Variants in CCDC148 observed in about 807,000 individuals in gnomAD.
The protein encoded by CCDC148 is coiled-coil domain-containing protein 148.
CCDC148 carries 89 observed loss-of-function variants against 85.7 expected under a neutral mutation model. The observed-to-expected ratio is 1.04, with a 90% confidence interval of 0.87 to 1.24. CCDC148 has a LOEUF of 1.24. Ranked by LOEUF, CCDC148 falls within the 50% of genes most tolerant of loss-of-function variation. The pLI, the probability that CCDC148 is intolerant of heterozygous loss-of-function variation, is 0.00. For synonymous variants in CCDC148, 230 were observed against 213.9 expected, an observed-to-expected ratio of 1.08 and a Z score of -0.66; for missense variants, 692 against 671.7, an observed-to-expected ratio of 1.03 and a Z score of -0.33.
chr2:158,220,696 G>A lies in CCDC148; in HGVS notation c.1269C>T (p.Ala423=), dbSNP rs769900164. The change falls in exon 11 of 14, where the codon GCC becomes GCT. Residue 423 remains alanine, a synonymous_variant. Transcript: ENST00000283233. The part of the protein sequence containing the change: ...EKKKKIKKYW[A]KKKQKWQEME... Reference sequence around the variant, plus strand: ...TTTCTTGCCACTTCTGTTTTTTCTTGGCCCAGTATTTTTTTATCTATTGTA... The same window carrying A: ...TTTCTTGCCACTTCTGTTTTTTCTTAGCCCAGTATTTTTTTATCTATTGTA... 9.5e-6 allele frequency: 15 copies of A among 1,578,860 alleles called. No individual in the cohort carries two copies. The highest frequency in any genetic ancestry group is 1.2e-5 in the South Asian group (1 of 84,336).
At chr2:158,281,612 A>C (rs1574538675) in intron 9 of CCDC148, among the ~76,000 whole-genome samples, 1 of 152,188 alleles carries the variant, frequency 6.6e-6, no homozygotes, top group African/African-American at 2.4e-5. Flanking sequence ...CAATAACAGG[A>C]AGTGAAATTG....
At chr2:158,333,255 T>C (rs1179861148) in intron 7 of CCDC148, among the ~76,000 whole-genome samples, 1 of 152,226 alleles carries the variant, frequency 6.6e-6, no homozygotes, top group Non-Finnish European at 1.5e-5. Flanking sequence ...AACTTATTTA[T>C]TTCTGCCTTG....
intron 1 of CCDC148, among the ~76,000 whole-genome samples, chr2:158,427,172 A>G (rs1405011522): frequency 6.6e-6 from 1 of 152,218 alleles, no homozygotes; most frequent in African/African-American, 2.4e-5. Flanking sequence ...AAAAGGCCAT[A>G]AATAGTCATT....
chr2:158,307,170 A>G (rs1331889021), intron 9 of CCDC148, among the ~76,000 whole-genome samples: 1 of 152,140 alleles, frequency 6.6e-6, no homozygotes, highest in Non-Finnish European at 1.5e-5. Flanking sequence ...TTGGGAGAAA[A>G]TAAAAAGAAA....
At chr2:158,260,334 A>G (rs547094476) in intron 9 of CCDC148, among the ~76,000 whole-genome samples, 1 of 152,182 alleles carries the variant, frequency 6.6e-6, no homozygotes, top group East Asian at 1.9e-4. Context: ...AACACTCTCA[A>G]TAAACTAGGT....
At chr2:158,305,101 C>A (rs1691622466) in intron 9 of CCDC148, among the ~76,000 whole-genome samples, 1 of 152,130 alleles carries the variant, frequency 6.6e-6, no homozygotes, top group Non-Finnish European at 1.5e-5. Flanking sequence ...CAGTGCAGAT[C>A]TGCCAGAGAG....
chr2:158,448,809 TTTGTTGTTG>T (rs916503877), intron 1 of CCDC148, among the ~76,000 whole-genome samples: 1 of 151,980 alleles, frequency 6.6e-6, no homozygotes, highest in Admixed American at 6.6e-5. Context: ...GAATTGGGTT[TTTGTTGTTG>T]TTGTTGTTTT....
chr2:158,172,131 A>G lies in CCDC148; in HGVS notation c.1758T>C (p.Ser586=). ...PQKPPRKDME[S]TVFKI The stretch of plus-strand genomic sequence containing the variant: ...ATGAGCTCTATATTTTAAATACAGT[A>G]GACTCCATGTCCTTTCTTGGAGGTT... The change falls in exon 14 of 14, where the codon TCT becomes TCC. Residue 586 remains serine (S), a synonymous_variant. Transcript: ENST00000283233. 1 of 1,606,198 alleles carries G rather than the reference A, an allele frequency of 6.2e-7. No individual in the cohort carries two copies.
Position 158,328,531 on chromosome 2 carries a change from T to G in CCDC148, c.764+10195A>C, listed in dbSNP as rs1015038354. On this transcript the variant is annotated intron_variant, in intron 7 of 13. Transcript: ENST00000283233. ...TATAATCCTTTGGGTATATACCCAG[T>G]AATGGGATGGCTGGGTCAAATGGTA... Among the ~76,000 whole-genome samples, 70 of 152,140 alleles carry G rather than the reference T, an allele frequency of 4.6e-4. 2 individuals are homozygous for G. The highest frequency in any genetic ancestry group is 1.0e-4 in the Non-Finnish European group (7 of 68,022).
intron 9 of CCDC148, among the ~76,000 whole-genome samples, chr2:158,251,249 G>T (rs1432523825): frequency 6.6e-6 from 1 of 151,222 alleles, no homozygotes; most frequent in Non-Finnish European, 1.5e-5. Flanking sequence ...TTTTCCCGGA[G>T]GTTAAACAAC....
rs781198202 is a variant in CCDC148 at position 158,358,524 on chromosome 2, G to A, written c.72C>T (p.Tyr24=). The A allele has an allele frequency of 2.3e-5, 37 of 1,600,184 alleles. No individual in the cohort carries two copies. The highest frequency in any genetic ancestry group is 2.8e-5 in the Non-Finnish European group (33 of 1,174,886). ...HMKNEMRNIK[Y]KPVDYQQLRA... is the part of the protein sequence containing the mutation. ...GCAATTGTTGATAGTCTACTGGTTT[G>A]TACTTGATGTTTCTCATCTCATTTT... Residue 24 remains tyrosine, a synonymous_variant, in exon 2 of 14, where the codon TAC becomes TAT. Coordinates refer to ENST00000283233, the MANE Select transcript of CCDC148 (RefSeq NM_138803.4).
At chr2:158,436,069 G>A (rs537380159) in intron 1 of CCDC148, among the ~76,000 whole-genome samples, 3 of 152,218 alleles carry the variant, frequency 2.0e-5, no homozygotes, top group African/African-American at 7.2e-5. Context: ...ACAGATCAAT[G>A]AGACAGAAAG....
chr2:158,436,159 A>G (rs1687641653), intron 1 of CCDC148, among the ~76,000 whole-genome samples: 1 of 152,208 alleles, frequency 6.6e-6, no homozygotes, highest in East Asian at 1.9e-4. Flanking sequence ...TCCACCCCAA[A>G]TCATCAGAAT....
At chr2:158,229,735 C>A (rs1379535172) in intron 10 of CCDC148, among the ~76,000 whole-genome samples, 2 of 152,182 alleles carry the variant, frequency 1.3e-5, no homozygotes, top group African/African-American at 4.8e-5. Context: ...TTCGTAGCCT[C>A]CCTCCTCATC....
chr2:158,281,454 G>T (rs570390429), intron 9 of CCDC148, among the ~76,000 whole-genome samples: 2 of 152,078 alleles, frequency 1.3e-5, no homozygotes, highest in Non-Finnish European at 1.5e-5. Context: ...TATCACCACC[G>T]ATCCCACAGA....
At chr2:158,178,493 G>A (rs1684705369) in intron 12 of CCDC148, among the ~76,000 whole-genome samples, 1 of 152,098 alleles carries the variant, frequency 6.6e-6, no homozygotes, top group South Asian at 2.1e-4. Context: ...TGTTTCCAAA[G>A]GGAGGCTCCT....
chr2:158,419,670 CA>C (rs778914932), intron 1 of CCDC148, among the ~76,000 whole-genome samples: 3 of 151,962 alleles, frequency 2.0e-5, no homozygotes, highest in Non-Finnish European at 2.9e-5. Flanking sequence ...GCAGCTAAGC[CA>C]AACAAGAAAA....
intron 2 of CCDC148, among the ~76,000 whole-genome samples, chr2:158,351,506 C>T (rs367868559): frequency 1.3e-3 from 200 of 152,008 alleles, no homozygotes; most frequent in African/African-American, 4.4e-3. Context: ...CTGAATACTG[C>T]GCTTTTCCGA....
chr2:158,407,110 C>A (rs1006645668), intron 1 of CCDC148, among the ~76,000 whole-genome samples: 2 of 152,042 alleles, frequency 1.3e-5, no homozygotes, highest in African/African-American at 2.4e-5. Context: ...TTGAAAAAAA[C>A]AAAATTATTT....
Sources: allele counts gnomAD v4.1 joint callset (sites outside exome capture counted in the v4.1 genomes callset), GRCh38; gene constraint gnomAD v4.1.1; transcripts MANE v1.5; gene names NCBI Gene and HGNC (gene_info 2026-07-23, HGNC 2026-07-21).